Variants in PPAT observed in about 807,000 individuals in gnomAD.
PPAT encodes the protein amidophosphoribosyltransferase.
Under a neutral mutation model 60.2 loss-of-function variants are expected in PPAT, and 20 were observed. The observed-to-expected ratio is 0.33, with a 90% CI of 0.23 to 0.48. The LOEUF (loss-of-function observed/expected upper bound fraction) is 0.48, where lower values mean the gene tolerates loss of function less well. Ranked by LOEUF, PPAT falls within the 20% of genes least tolerant of loss-of-function variation. The pLI, the probability that PPAT is intolerant of heterozygous loss-of-function variation, is 0.99. For missense variants in PPAT, 349 were observed against 629.6 expected (o/e 0.55, Z 4.77); for synonymous variants, 194 against 215.1 (o/e 0.90, Z 0.86).
chr4:56,417,975 G>A (rs1716855071), intron 1 of PPAT, among the ~76,000 whole-genome samples: 1 of 151,724 alleles, frequency 6.6e-6, no homozygotes. Flanking sequence ...GAGTAGCTGG[G>A]ATTACAGGTG....
At chr4:56,404,557 C>T (rs1184252919) in intron 3 of PPAT, among the ~76,000 whole-genome samples, 1 of 151,080 alleles carries the variant, frequency 6.6e-6, no homozygotes, top group Non-Finnish European at 1.5e-5. Flanking sequence ...CAGTAGGGAG[C>T]TAAAGGTAAA....
intron 5 of PPAT, 112 bp downstream of exon 5, chr4:56,402,928 C>G (rs959358492): frequency 3.0e-5 from 27 of 894,642 alleles, no homozygotes; most frequent in Non-Finnish European, 4.2e-5. Context: ...TTTTTCTTAC[C>G]TAGCTCCCTC....
rs573387906 is a variant in PPAT at position 56,402,052 on chromosome 4, A to T, written c.734+57T>A. 5.6e-5 allele frequency: 75 copies of T among 1,339,500 alleles called. 1 individual carries two copies. In the African/African-American group the frequency reaches 6.7e-4, roughly 12 times the overall value. 83.0% of individuals were successfully genotyped at this position (1,339,500 alleles called of 1,614,324 possible). A position where few individuals can be genotyped will look rare whatever the true frequency, so the allele number is the denominator to read the frequency against. On this transcript the variant is annotated intron_variant, in intron 6 of 10. Transcript: ENST00000264220. ...CTTTCACATAAATAAGAAACTGTCTAAAAAAAATTCTTTTCAACATGGGAA... is the reference window on the plus strand; with the variant it reads ...CTTTCACATAAATAAGAAACTGTCTTAAAAAAATTCTTTTCAACATGGGAA...
chr4:56,417,200 A>G (rs1229775427), intron 1 of PPAT, among the ~76,000 whole-genome samples: 2 of 152,236 alleles, frequency 1.3e-5, no homozygotes, highest in African/African-American at 2.4e-5. Context: ...TCTAACTTAC[A>G]TAATAGAAAA....
chr4:56,409,380 G>A (rs1255729157), intron 1 of PPAT, among the ~76,000 whole-genome samples: 1 of 152,042 alleles, frequency 6.6e-6, no homozygotes, highest in East Asian at 1.9e-4. Context: ...ATATAATAGA[G>A]GCAAAATGCA....
chr4:56,397,430 GA>G, intron 9 of PPAT, among the ~76,000 whole-genome samples: 1 of 152,274 alleles, frequency 6.6e-6, no homozygotes, highest in African/African-American at 2.4e-5. Flanking sequence ...AAAAAGGCTG[GA>G]AAATCATAAT....
At chr4:56,422,440 C>CTT (rs1193890063) in intron 1 of PPAT, 3 of 148,708 alleles carry the variant, frequency 2.0e-5, no homozygotes, top group Non-Finnish European at 4.4e-5. Context: ...AAAACAAGGT[C>CTT]TTGACACACA....
intron 1 of PPAT, 67 bp from the exon 2 acceptor site, chr4:56,407,783 A>T: frequency 8.0e-7 from 1 of 1,249,578 alleles, no homozygotes; most frequent in East Asian, 2.3e-5. Flanking sequence ...GAACTTTATC[A>T]AGCATACTTT....
At chr4:56,412,041 T>C (rs1716487694) in intron 1 of PPAT, among the ~76,000 whole-genome samples, 1 of 152,206 alleles carries the variant, frequency 6.6e-6, no homozygotes, top group African/African-American at 2.4e-5. Flanking sequence ...CTCTTCATTA[T>C]TTAAGTGCTT....
chr4:56,413,191 A>G (rs112807760), intron 1 of PPAT, among the ~76,000 whole-genome samples: 7 of 151,968 alleles, frequency 4.6e-5, no homozygotes, highest in African/African-American at 1.7e-4. Flanking sequence ...ACAGAGTCTC[A>G]CTCTGTCACC....
intron 1 of PPAT, among the ~76,000 whole-genome samples, chr4:56,427,321 T>C (rs1014892860): frequency 2.0e-5 from 3 of 152,220 alleles, no homozygotes; most frequent in Non-Finnish European, 4.4e-5. Context: ...CCACAGCATG[T>C]ATATGTTTTT....
intron 3 of PPAT, chr4:56,404,159 G>A: frequency 3.1e-6 from 1 of 327,286 alleles, no homozygotes; most frequent in Non-Finnish European, 6.5e-6. Context: ...TTTATGAGAT[G>A]TACAGAAAAG....
At chr4:56,432,189 A>G (rs1022503186) in intron 1 of PPAT, among the ~76,000 whole-genome samples, 2 of 152,170 alleles carry the variant, frequency 1.3e-5, no homozygotes, top group African/African-American at 4.8e-5. Flanking sequence ...GACCAAATAC[A>G]AAACAAAAGT....
chr4:56,424,194 G>A (rs1236676729), intron 1 of PPAT, among the ~76,000 whole-genome samples: 2 of 152,164 alleles, frequency 1.3e-5, no homozygotes, highest in Non-Finnish European at 2.9e-5. Context: ...TATCTTAAAT[G>A]TATGCTATAA....
intron 1 of PPAT, among the ~76,000 whole-genome samples, chr4:56,412,313 T>TA (rs1229753732): frequency 6.6e-5 from 10 of 151,780 alleles, no homozygotes; most frequent in African/African-American, 2.4e-4. Context: ...CATCACCTTT[T>TA]TTTTTTTTTT....
At chr4:56,425,460 T>C in intron 1 of PPAT, 1 of 850,776 alleles carries the variant, frequency 1.2e-6, no homozygotes, top group Non-Finnish European at 1.4e-6. Flanking sequence ...GACATAGGTA[T>C]GCTGCTAATC....
chr4:56,410,679 A>T (rs1227520742), intron 1 of PPAT: 1 of 986,584 alleles, frequency 1.0e-6, no homozygotes, highest in African/African-American at 1.7e-5. Context: ...GTATACAGAG[A>T]CTGGAAACAG....
intron 1 of PPAT, chr4:56,429,009 A>C (rs778723921): frequency 1.0e-6 from 1 of 959,574 alleles, no homozygotes; most frequent in Non-Finnish European, 1.2e-6. Context: ...GAAGATGGTA[A>C]GAGCCAGAGA....
intron 6 of PPAT, 52 bp downstream of exon 6, chr4:56,402,057 A>C: frequency 7.1e-7 from 1 of 1,401,074 alleles, no homozygotes; most frequent in Non-Finnish European, 9.8e-7. Context: ...TGTCTAAAAA[A>C]AATTCTTTTC....
Sources: gnomAD v4.1 joint callset for allele counts (sites outside exome capture counted in the v4.1 genomes callset) on GRCh38, gnomAD v4.1.1 for gene constraint, MANE v1.5 for transcripts, NCBI Gene and HGNC (gene_info 2026-07-23, HGNC 2026-07-21) for gene names.